PDE7B: variants seen among roughly 807,000 people sequenced by gnomAD.
The protein encoded by PDE7B is phosphodiesterase 7B, also known as 3',5'-cyclic-AMP phosphodiesterase 7B.
A neutral mutation model predicts 56.2 loss-of-function variants in PDE7B; 29 were observed. That is an observed-to-expected ratio of 0.52 (90% CI 0.38 to 0.70). The LOEUF (loss-of-function observed/expected upper bound fraction) is 0.70. Ranked by LOEUF, PDE7B falls within the 30% of genes least tolerant of loss-of-function variation. PDE7B has a pLI of 0.00. For synonymous variants in PDE7B, 197 were observed against 196.9 expected (o/e 1.00, Z 0.00); for missense variants, 490 against 565.0 (o/e 0.87, Z 1.35).
chr6:136,051,354 G>C (rs566781680), intron 2 of PDE7B, among the ~76,000 whole-genome samples: 13 of 152,330 alleles, frequency 8.5e-5, no homozygotes, highest in Middle Eastern at 3.4e-3. Flanking sequence ...CAGCAGTTTA[G>C]ATAAGTCAGA....
At chr6:136,037,382 A>G in intron 2 of PDE7B, 1 of 980,000 alleles carries the variant, frequency 1.0e-6, no homozygotes, top group Non-Finnish European at 1.2e-6. Flanking sequence ...AGCTGAGGTT[A>G]TGAAGGGATT....
At chr6:136,143,417 C>G (rs1236695822) in intron 3 of PDE7B, among the ~76,000 whole-genome samples, 1 of 151,672 alleles carries the variant, frequency 6.6e-6, no homozygotes, top group African/African-American at 2.4e-5. Flanking sequence ...GAGGCACTAG[C>G]CTTACTTAAA....
chr6:136,155,702 G>C lies in PDE7B; in HGVS notation c.655G>C (p.Gly219Arg). 1 of 1,613,866 alleles carries C rather than the reference G, an allele frequency of 6.2e-7. No homozygotes were observed. Among genetic ancestry groups the C allele is most frequent in the East Asian group, 2.2e-5 (1 of 44,880 alleles). ...AGCAGCACACGATGTGGACCACCCA[G>C]GGGTGAACCAGCCATTTTTGATAAA... ...AAAAHDVDHP[G>R]VNQPFLIKTN... The change falls in exon 8 of 13, where the codon GGG becomes CGG. Residue 219 changes from glycine (G) to arginine (R), a missense_variant. Physicochemically the swap from Gly to Arg is moderately radical, Grantham distance 125. Coordinates refer to ENST00000308191, the MANE Select transcript of PDE7B (RefSeq NM_018945.4).
rs1779265816 is a variant in PDE7B at position 136,193,660 on chromosome 6, C to T, written c.*1820C>T. ...AGTGGGAGAATGACTGTTTCTGCCA[C>T]TATCAACCTGATCCTCATGCTGATA... On this transcript the variant is annotated 3_prime_UTR_variant, in exon 13 of 13. Coordinates refer to ENST00000308191, the MANE Select transcript of PDE7B (RefSeq NM_018945.4). 1 of 152,230 alleles carries T rather than the reference C, an allele frequency of 6.6e-6. No individual in the cohort carries two copies. Among genetic ancestry groups the T allele is most frequent in the African/African-American group, 2.4e-5 (1 of 41,458 alleles). 9.4% of individuals were successfully genotyped at this position (152,230 alleles called of 1,614,324 possible). A position where few individuals can be genotyped will look rare whatever the true frequency, so the allele number is the denominator to read the frequency against.
chr6:135,980,202 A>G (rs1775270895), intron 2 of PDE7B, among the ~76,000 whole-genome samples: 1 of 152,208 alleles, frequency 6.6e-6, no homozygotes, highest in Admixed American at 6.5e-5. Context: ...AGGATTCCCT[A>G]TTTAATAAAT....
intron 3 of PDE7B, chr6:136,117,258 CT>C (rs970715872): frequency 1.5e-4 from 23 of 152,254 alleles, no homozygotes; most frequent in African/African-American, 5.5e-4. Context: ...GCTAAAATGA[CT>C]TGTTTGTTCA....
intron 2 of PDE7B, among the ~76,000 whole-genome samples, chr6:136,052,840 C>G (rs996492743): frequency 6.6e-6 from 1 of 152,078 alleles, no homozygotes. Flanking sequence ...GATCCTGAGT[C>G]TTCTACCTGG....
intron 6 of PDE7B, among the ~76,000 whole-genome samples, chr6:136,153,717 A>T (rs1778561181): frequency 6.6e-6 from 1 of 152,210 alleles, no homozygotes; most frequent in African/African-American, 2.4e-5. Flanking sequence ...TAAACAGCAG[A>T]AACTCAATTA....
chr6:135,928,487 T>TATATATTTA (rs1562442915), intron 1 of PDE7B, among the ~76,000 whole-genome samples: 5,083 of 84,406 alleles, frequency 0.06, 299 homozygotes, highest in Non-Finnish European at 0.088. Flanking sequence ...ATATATTTAT[T>TATATATTTA]TATATATATA....
intron 2 of PDE7B, among the ~76,000 whole-genome samples, chr6:136,101,115 G>A (rs573875473): frequency 6.6e-6 from 1 of 152,246 alleles, no homozygotes; most frequent in East Asian, 1.9e-4. Flanking sequence ...GAATGAAGTC[G>A]ACTTGATCGT....
chr6:136,172,900 A>G (rs1562513121), intron 8 of PDE7B, among the ~76,000 whole-genome samples: 2 of 152,304 alleles, frequency 1.3e-5, no homozygotes, highest in South Asian at 4.1e-4. Context: ...ACTCCCATTC[A>G]CAATTGCTTC....
chr6:135,882,499 T>A (rs1775628314), intron 1 of PDE7B, among the ~76,000 whole-genome samples: 1 of 152,194 alleles, frequency 6.6e-6, no homozygotes, highest in African/African-American at 2.4e-5. Context: ...CATTCATCAA[T>A]CTTTCTGCCA....
At chr6:135,865,093 A>G (rs1775229262) in intron 1 of PDE7B, among the ~76,000 whole-genome samples, 1 of 151,810 alleles carries the variant, frequency 6.6e-6, no homozygotes, top group Admixed American at 6.6e-5. Flanking sequence ...GATTAAGAAA[A>G]TGTGGCACAT....
At chr6:136,027,739 A>G (rs1776178869) in intron 2 of PDE7B, among the ~76,000 whole-genome samples, 1 of 152,094 alleles carries the variant, frequency 6.6e-6, no homozygotes, top group Admixed American at 6.5e-5. Context: ...CTCCTGCCTC[A>G]GCCTCCTGAG....
At chr6:135,991,647 A>C (rs535527310) in intron 2 of PDE7B, among the ~76,000 whole-genome samples, 36 of 152,106 alleles carry the variant, frequency 2.4e-4, no homozygotes, top group Non-Finnish European at 4.4e-4. Flanking sequence ...TTAACAATAT[A>C]CTAATAATAT....
intron 1 of PDE7B, among the ~76,000 whole-genome samples, chr6:135,922,055 TCTTGGGGATTTAC>T (rs1774092371): frequency 6.6e-6 from 1 of 152,202 alleles, no homozygotes; most frequent in Non-Finnish European, 1.5e-5. Context: ...ATGAAATAAA[TCTTGGGGATTTAC>T]CTTAGAGATT....
intron 2 of PDE7B, among the ~76,000 whole-genome samples, chr6:136,054,115 C>T (rs545938675): frequency 1.3e-5 from 2 of 152,322 alleles, no homozygotes; most frequent in East Asian, 3.9e-4. Context: ...GTGTTTTAGA[C>T]ATGAAGTTCT....
intron 12 of PDE7B, among the ~76,000 whole-genome samples, chr6:136,190,225 T>C (rs1204179010): frequency 6.6e-6 from 1 of 152,216 alleles, no homozygotes; most frequent in Non-Finnish European, 1.5e-5. Flanking sequence ...CCTCATCTGC[T>C]GACACCCTGT....
chr6:135,974,850 A>G (rs1775155713), intron 2 of PDE7B, among the ~76,000 whole-genome samples: 1 of 152,176 alleles, frequency 6.6e-6, no homozygotes, highest in African/African-American at 2.4e-5. Flanking sequence ...CAGCATGTCA[A>G]GTGCTTACAG....
Sources: gnomAD v4.1 joint callset for allele counts (sites outside exome capture counted in the v4.1 genomes callset) on GRCh38, gnomAD v4.1.1 for gene constraint, MANE v1.5 for transcripts, NCBI Gene and HGNC (gene_info 2026-07-23, HGNC 2026-07-21) for gene names.